Variants in DOCK10 observed in about 807,000 individuals in gnomAD.
The protein encoded by DOCK10 is dedicator of cytokinesis 10.
DOCK10 carries 145 observed loss-of-function variants against 280.1 expected under a neutral mutation model. The ratio of observed to expected loss-of-function variants is 0.52; its 90% confidence interval spans 0.45 to 0.59. The LOEUF (loss-of-function observed/expected upper bound fraction) is 0.59, where lower values mean the gene tolerates loss of function less well. Among genes scored for constraint, DOCK10 ranks in the 20% least tolerant of loss-of-function variants. The pLI is 0.00. For missense variants in DOCK10, 2,368 were observed against 2,651.7 expected, an observed-to-expected ratio of 0.89 and a Z score of 2.35; for synonymous variants, 915 against 942.2, an observed-to-expected ratio of 0.97 and a Z score of 0.53.
chr2:224,933,615 A>G (rs1575079390), intron 1 of DOCK10, among the ~76,000 whole-genome samples: 1 of 152,320 alleles, frequency 6.6e-6, no homozygotes, highest in East Asian at 1.9e-4. Context: ...CCTTTCAGGA[A>G]GCTCTTACGT....
At chr2:224,925,220 T>G (rs1335371187) in intron 2 of DOCK10, among the ~76,000 whole-genome samples, 1 of 152,176 alleles carries the variant, frequency 6.6e-6, no homozygotes, top group Non-Finnish European at 1.5e-5. Context: ...CCTTACTGAT[T>G]TGCAGTTTAA....
At chr2:225,004,804 G>T (rs1353265747) in intron 1 of DOCK10, among the ~76,000 whole-genome samples, 1 of 152,152 alleles carries the variant, frequency 6.6e-6, no homozygotes, top group Non-Finnish European at 1.5e-5. Context: ...TGCATTTTTT[G>T]CATTAAAAAA....
chr2:224,794,018 C>T (rs372864366), intron 45 of DOCK10, among the ~76,000 whole-genome samples: 39 of 152,182 alleles, frequency 2.6e-4, no homozygotes, highest in Non-Finnish European at 5.0e-4. Context: ...CTGAACGTTG[C>T]TGAACACATA....
intron 44 of DOCK10, among the ~76,000 whole-genome samples, chr2:224,795,322 T>C (rs1692487496): frequency 6.6e-6 from 1 of 152,246 alleles, no homozygotes; most frequent in Admixed American, 6.5e-5. Flanking sequence ...AAGAACACCT[T>C]CTTCTGGTGA....
At chr2:224,918,862 G>A (rs375508286) in intron 2 of DOCK10, among the ~76,000 whole-genome samples, 41 of 144,606 alleles carry the variant, frequency 2.8e-4, no homozygotes, top group East Asian at 2.1e-3. Context: ...TGTGTGTGGC[G>A]TGTGTGAGTG....
intron 24 of DOCK10, 24 bp downstream of exon 24, chr2:224,839,930 C>G: frequency 9.3e-7 from 1 of 1,078,278 alleles, no homozygotes; most frequent in Admixed American, 2.2e-5. Context: ...AAAGTCTCTC[C>G]TCTTAAGGTT....
In DOCK10 at chr2:224,921,092, TAAAAAAAA is replaced by T. The variant is rs781152272; in HGVS notation, c.244-4316_244-4309del. Among the ~76,000 whole-genome samples, 80 of 59,480 alleles carry T rather than the reference TAAAAAAAA, an allele frequency of 1.3e-3. 9 individuals are homozygous for T. The highest frequency in any genetic ancestry group is 9.4e-3 in the African/African-American group (76 of 8,060). 39.0% of individuals were successfully genotyped at this position (59,480 alleles called of 152,430 possible). A position where few individuals can be genotyped will look rare whatever the true frequency, so the allele number is the denominator to read the frequency against. On this transcript the variant is annotated intron_variant, in intron 2 of 55. Transcript: ENST00000258390. The stretch of plus-strand genomic sequence containing the variant: ...CAACATGGGAAAACACCGTCTCTAT[TAAAAAAAA>T]AAAAAAAAAAAAATATATATATATA...
chr2:224,963,996 CTTTTTT>C (rs66476455), intron 1 of DOCK10, among the ~76,000 whole-genome samples: 1 of 122,786 alleles, frequency 8.1e-6, no homozygotes, highest in African/African-American at 3.0e-5. Flanking sequence ...GTCTAAAATT[CTTTTTT>C]TTTTTTTTTT....
At chr2:225,031,718 T>C (rs1216303242) in intron 1 of DOCK10, among the ~76,000 whole-genome samples, 3 of 152,332 alleles carry the variant, frequency 2.0e-5, no homozygotes, top group African/African-American at 7.2e-5. Context: ...GCACAGACCT[T>C]AAGCCAGAGA....
intron 21 of DOCK10, 147 bp downstream of exon 21, chr2:224,845,055 CT>C (rs1303647437): frequency 1.1e-5 from 10 of 935,450 alleles, no homozygotes; most frequent in Non-Finnish European, 1.6e-5. Context: ...TGGCCATAAG[CT>C]AAACAAGAGA....
chr2:224,815,994 C>T (rs1354812062), intron 30 of DOCK10, among the ~76,000 whole-genome samples: 3 of 152,062 alleles, frequency 2.0e-5, no homozygotes, highest in African/African-American at 7.2e-5. Flanking sequence ...GATCATGCCA[C>T]TGTACTCCCA....
intron 1 of DOCK10, among the ~76,000 whole-genome samples, chr2:225,032,398 T>C (rs1365853633): frequency 6.6e-6 from 1 of 152,206 alleles, no homozygotes; most frequent in Admixed American, 6.5e-5. Context: ...TCAGAAAGGT[T>C]CTGAAGGCAT....
chr2:224,850,880 G>T (rs949013203), intron 18 of DOCK10, among the ~76,000 whole-genome samples: 2 of 152,134 alleles, frequency 1.3e-5, no homozygotes, highest in African/African-American at 4.8e-5. Flanking sequence ...CAGCCATGCA[G>T]AAACTGTGAG....
At chr2:224,953,511 T>TCTTAAA (rs1703876233) in intron 1 of DOCK10, among the ~76,000 whole-genome samples, 1 of 152,070 alleles carries the variant, frequency 6.6e-6, no homozygotes, top group African/African-American at 2.4e-5. Context: ...GCAGAAGAGC[T>TCTTAAA]CTTAAAGTTA....
intron 7 of DOCK10, among the ~76,000 whole-genome samples, 172 bp from the exon 8 acceptor site, chr2:224,876,393 A>G (rs1413754840): frequency 6.6e-6 from 1 of 152,108 alleles, no homozygotes; most frequent in Admixed American, 6.5e-5. Flanking sequence ...ATTTTGTTTG[A>G]TTTCTTTCAA....
rs1203224780 is a variant in DOCK10 at position 224,805,060 on chromosome 2, C to A, written c.4116G>T (p.Leu1372Phe). 1.2e-6 allele frequency: 2 copies of A among 1,606,578 alleles called. No individual in the cohort carries two copies. The highest frequency in any genetic ancestry group is 3.4e-5 in the Admixed American group (2 of 58,688). ...AAGTCATCAACTCTAAAACTTACTC[C>A]AAGATGCTGAAGAAGTCGGACACCT... ...SPEVSDFFSILDVCLQNFRYL... is the reference protein window; with the variant it reads ...SPEVSDFFSIFDVCLQNFRYL... Residue 1372 changes from leucine to phenylalanine, a missense_variant and splice_region_variant, in exon 37 of 56, where the codon TTG becomes TTT. By Grantham distance (22) the Leu-to-Phe change is conservative (BLOSUM62 0). Coordinates refer to ENST00000258390, the MANE Select transcript of DOCK10 (RefSeq NM_014689.3). This position sits in a 1 kb window ranked among gnomAD's most constrained non-coding sequence, Gnocchi z 4.3.
chr2:224,792,230 T>C (rs1692245544), intron 47 of DOCK10, among the ~76,000 whole-genome samples: 2 of 152,228 alleles, frequency 1.3e-5, no homozygotes, highest in African/African-American at 4.8e-5. Flanking sequence ...AAATGGAACA[T>C]GCTGATTATA....
intron 25 of DOCK10, 104 bp from the exon 26 acceptor site, chr2:224,834,367 C>A (rs917523810): frequency 1.4e-6 from 1 of 704,108 alleles, no homozygotes; most frequent in Admixed American, 2.5e-5. Context: ...TCTGCTCATG[C>A]CAGATTTTGC....
chr2:224,778,391 A>G (rs1430754456), intron 50 of DOCK10, 107 bp from the exon 51 acceptor site: 5 of 1,102,354 alleles, frequency 4.5e-6, no homozygotes, highest in Admixed American at 4.0e-5. Context: ...TTTGGTTGTC[A>G]TCTAATCCAT....
Sources: gnomAD v4.1 joint callset for allele counts (sites outside exome capture counted in the v4.1 genomes callset) on GRCh38, gnomAD v4.1.1 for gene constraint, Gnocchi (gnomAD v3.1) non-coding constraint, MANE v1.5 for transcripts, NCBI Gene and HGNC (gene_info 2026-07-23, HGNC 2026-07-21) for gene names.